PNPLA6: variants seen among roughly 807,000 people sequenced by gnomAD.
PNPLA6 encodes the protein patatin-like phospholipase domain-containing protein 6.
Under a neutral mutation model 153.7 loss-of-function variants are expected in PNPLA6, and 105 were observed. The ratio of observed to expected loss-of-function variants is 0.68; its 90% CI spans 0.58 to 0.80. PNPLA6 has a LOEUF of 0.80. Ranked by LOEUF, PNPLA6 falls within the 30% of genes least tolerant of loss-of-function variation. PNPLA6 has a pLI of 0.00. For missense variants in PNPLA6, 1,423 were observed against 1,919.3 expected (o/e 0.74, Z 4.83); for synonymous variants, 825 against 822.2 (o/e 1.00, Z -0.06).
chr19:7,561,199 C>T lies in PNPLA6; in HGVS notation c.3914-9C>T, dbSNP rs200579809. On this transcript the variant is annotated splice_polypyrimidine_tract_variant and intron_variant, in intron 30 of 31. Coordinates refer to ENST00000600737, the MANE Select transcript of PNPLA6 (RefSeq NM_001166114.2). ...ATCCCCTCACCTGTGCCCTGCTCCC[C>T]GATTCCAGGAGAGGAGTCAGATTGT... is the stretch of plus-strand genomic sequence containing the variant. 56 of 1,602,456 alleles carry T rather than the reference C, an allele frequency of 3.5e-5. 2 individuals are homozygous for T. Among genetic ancestry groups the T allele is most frequent in the East Asian group, 1.1e-4 (5 of 44,592 alleles).
intron 13 of PNPLA6, among the ~76,000 whole-genome samples, chr19:7,547,806 TA>T (rs142269245): frequency 3.4e-4 from 8 of 23,790 alleles, no homozygotes; most frequent in South Asian, 3.9e-3. Flanking sequence ...CCTGGCTAAT[TA>T]AAAATTTTTT....
In PNPLA6 at chr19:7,535,825, T is replaced by G; in HGVS notation, c.37T>G (p.Ser13Ala). 1 of 1,536,934 alleles carries G rather than the reference T, an allele frequency of 6.5e-7. No individual in the cohort carries two copies. Among genetic ancestry groups the G allele is most frequent in the Non-Finnish European group, 8.7e-7 (1 of 1,146,818 alleles). ...GAGTCACGGGCTGGCTACGAACTCC[T>G]CGGGGGCGAAGGTGGCGGAGAGGGA... ...TSSHGLATNS[S>A]GAKVAERDGF... The change falls in exon 1 of 32, where the codon TCG becomes GCG. Residue 13 changes from serine to alanine, a missense_variant. Ser to Ala is a moderately conservative substitution (Grantham distance 99). This residue lies in a region of PNPLA6 where 109 missense variants were observed against 109.4 expected (regional missense o/e 1.00). Transcript: ENST00000600737. The surrounding 1 kb of genome is among the most constrained non-coding windows in gnomAD (Gnocchi z 5.0).
intron 21 of PNPLA6, 38 bp downstream of exon 21, chr19:7,554,761 G>T (rs599328): frequency 6.2e-7 from 1 of 1,604,328 alleles, no homozygotes. Flanking sequence ...CCCACCTCGG[G>T]TCCCGTCCTT....
rs763642095 is a variant in PNPLA6 at position 7,543,046 on chromosome 19, G to A, written c.1570G>A (p.Ala524Thr). ...LLNSRVLLHH[A>T]KAGTIIARQG... is the part of the protein sequence containing the mutation. Reference sequence around the variant, plus strand: ...GAACAGCAGAGTCTTGCTGCACCACGCCAAAGCTGGCACCATCATTGCCCG... The same window carrying A: ...GAACAGCAGAGTCTTGCTGCACCACACCAAAGCTGGCACCATCATTGCCCG... The change falls in exon 13 of 32, where the codon GCC (alanine) becomes ACC (threonine). Residue 524 changes from alanine to threonine, a missense_variant. Ala to Thr is a moderately conservative substitution (Grantham distance 58). Around this residue, in one of 10 missense-constraint regions of PNPLA6, gnomAD observed 119 missense variants for 163.7 expected, o/e 0.73. Transcript: ENST00000600737. 1.2e-5 allele frequency: 19 copies of A among 1,613,650 alleles called. No individual in the cohort carries two copies. Among genetic ancestry groups the A allele is most frequent in the South Asian group, 7.7e-5 (7 of 91,068 alleles).
chr19:7,561,022 C>T lies in PNPLA6; in HGVS notation c.3825C>T (p.Ala1275=). 1 of 1,611,084 alleles carries T rather than the reference C, an allele frequency of 6.2e-7. No homozygotes were observed. Among genetic ancestry groups the T allele is most frequent in the Admixed American group, 1.7e-5 (1 of 59,558 alleles). The change falls in exon 30 of 32, where the codon GCC becomes GCT. Residue 1275 remains alanine, a synonymous_variant. Coordinates refer to ENST00000600737, the MANE Select transcript of PNPLA6 (RefSeq NM_001166114.2). ...CCAGTGTCACCCCACAGGTGCTTGC[C>T]TTCCCAAGCTCTGGCTTCACTGACT... The part of the protein sequence containing the change: ...LNESRRADVL[A]FPSSGFTDLA...
Position 7,555,564 on chromosome 19 carries a change from C to A in PNPLA6, c.2937-43C>A, listed in dbSNP as rs748275248. ...GGAGGTAGGGGCAGGGGAGTTCCTG[C>A]AGGTGGGGCCTAGCGGGTCACTGGG... is the stretch of plus-strand genomic sequence containing the variant. On this transcript the variant is annotated intron_variant, in intron 23 of 31. Transcript: ENST00000600737. The surrounding 1 kb of genome is among the most constrained non-coding windows in gnomAD (Gnocchi z 6.3). 1.9e-6 allele frequency: 3 copies of A among 1,602,618 alleles called. No homozygotes were observed. Among genetic ancestry groups the A allele is most frequent in the East Asian group, 4.5e-5 (2 of 44,676 alleles).
In PNPLA6 at chr19:7,540,017, C is replaced by T; in HGVS notation, c.513C>T (p.Ser171=). The T allele has an allele frequency of 6.2e-7, 1 of 1,608,472 alleles. No individual in the cohort carries two copies. The highest frequency in any genetic ancestry group is 1.1e-5 in the South Asian group (1 of 90,346). The part of the protein sequence containing the change: ...ADLTEGDLAN[S]HLPSEVLYML... ...TGACCGAGGGCGACCTGGCTAACTC[C>T]CATCTGCCCTCTGAAGTGCTTTATA... Residue 171 remains serine, a synonymous_variant, in exon 4 of 32, where the codon TCC becomes TCT. Coordinates refer to ENST00000600737, the MANE Select transcript of PNPLA6 (RefSeq NM_001166114.2). This position sits in a 1 kb window ranked among gnomAD's most constrained non-coding sequence, Gnocchi z 6.8.
rs757555345 is a variant in PNPLA6, at chr19:7,559,000, T to G, written c.3548T>G (p.Val1183Gly). Reference sequence around the variant, plus strand: ...AATCCCTGGGCTGACAAGGTAAAGGTTCCAGACATGGCTGAAATCCAGTCC... The same window carrying G: ...AATCCCTGGGCTGACAAGGTAAAGGGTCCAGACATGGCTGAAATCCAGTCC... ...RLNPWADKVKVPDMAEIQSRL... is the reference protein window; with the variant it reads ...RLNPWADKVKGPDMAEIQSRL... Residue 1183 changes from valine (V) to glycine (G), a missense_variant, in exon 28 of 32, where the codon GTT becomes GGT. By Grantham distance (109) the Val-to-Gly change is moderately radical. This residue lies in a region of PNPLA6 where 643 missense variants were observed against 835.2 expected (regional missense o/e 0.77). Transcript: ENST00000600737. 1.9e-6 allele frequency: 3 copies of G among 1,614,150 alleles called. No individual in the cohort carries two copies. The highest frequency in any genetic ancestry group is 2.5e-6 in the Non-Finnish European group (3 of 1,180,030).
rs747484036 is a variant in PNPLA6, at chr19:7,555,781, G to A, written c.3093+18G>A. 6.2e-7 allele frequency: 1 copy of A among 1,611,678 alleles called. No individual in the cohort carries two copies. Among genetic ancestry groups the A allele is most frequent in the South Asian group, 1.1e-5 (1 of 90,994 alleles). On this transcript the variant is annotated intron_variant, in intron 24 of 31. Coordinates refer to ENST00000600737, the MANE Select transcript of PNPLA6 (RefSeq NM_001166114.2). This position sits in a 1 kb window ranked among gnomAD's most constrained non-coding sequence, Gnocchi z 6.3. ...GGGCCAAGGTGTGTGTTGCGAGGAG[G>A]GATTGCTGCACCCCAGGAGTGCCAT...
chr19:7,556,986 C>T (rs990731270), intron 26 of PNPLA6, 182 bp from the exon 27 acceptor site: 42 of 731,352 alleles, frequency 5.7e-5, no homozygotes, highest in African/African-American at 1.0e-4. Context: ...GCGTTACGTC[C>T]GGGCCAGCGC....
At chr19:7,548,713 A>G (rs1187259612) in intron 13 of PNPLA6, among the ~76,000 whole-genome samples, 1 of 74,286 alleles carries the variant, frequency 1.3e-5, no homozygotes, top group Non-Finnish European at 2.8e-5. Flanking sequence ...ACATATATAT[A>G]TATATACACA....
intron 3 of PNPLA6, 34 bp from the exon 4 acceptor site, chr19:7,539,884 C>A: frequency 7.0e-7 from 1 of 1,423,666 alleles, no homozygotes; most frequent in South Asian, 1.2e-5. Context: ...TCTCCGTGCC[C>A]CCCTCACCCC....
Position 7,554,623 on chromosome 19 carries a change from A to C in PNPLA6, c.2534A>C (p.Gln845Pro). Reference protein sequence around the residue: ...QEDAHRIVLYQTDASLTPWTV... With the variant: ...QEDAHRIVLYPTDASLTPWTV... ...GATGCACACCGTATCGTACTCTACC[A>C]GACGGACGCCTCGCTGACGCCCTGG... The change falls in exon 21 of 32, where the codon CAG (glutamine) becomes CCG (proline). Residue 845 changes from glutamine to proline, a missense_variant. Coordinates refer to ENST00000600737, the MANE Select transcript of PNPLA6 (RefSeq NM_001166114.2). The C allele has an allele frequency of 6.2e-7, 1 of 1,613,994 alleles. No homozygotes were observed.
chr19:7,544,060 G>A (rs1375002796), intron 13 of PNPLA6, among the ~76,000 whole-genome samples: 6 of 151,656 alleles, frequency 4.0e-5, no homozygotes, highest in South Asian at 4.2e-4. Context: ...TGATCCGCCC[G>A]CCTAGGCCTT....
chr19:7,557,340 G>A lies in PNPLA6; in HGVS notation c.3397+56G>A, dbSNP rs1645800. ...CAAGCACCTCCCGCACCACACACAC[G>A]CACACGCGTGGGCACACACAGACAG... On this transcript the variant is annotated intron_variant, in intron 27 of 31. Coordinates refer to ENST00000600737, the MANE Select transcript of PNPLA6 (RefSeq NM_001166114.2). 553,099 of 1,027,470 alleles carry A rather than the reference G, an allele frequency of 0.54. 136,549 individuals carry two copies. Among genetic ancestry groups the A allele is most frequent in the Admixed American group, 0.62 (35,102 of 56,426 alleles). The allele number at this position is 1,027,470 out of a possible 1,614,324, so 63.6% of individuals were successfully genotyped here.
rs781056060 is a variant in PNPLA6, at chr19:7,561,642, C to A, written c.*80C>A. ...GCCCCGTGGGGGTAGCTCACTCCCC[C>A]TCCTGCTGCTATGCCTGTGACCCCC... On this transcript the variant is annotated 3_prime_UTR_variant, in exon 32 of 32. Transcript: ENST00000600737. The A allele has an allele frequency of 9.4e-6, 9 of 955,208 alleles. No individual in the cohort carries two copies. The highest frequency in any genetic ancestry group is 1.5e-5 in the Non-Finnish European group (9 of 615,724). 59.2% of individuals were successfully genotyped at this position (955,208 alleles called of 1,614,324 possible).
chr19:7,555,642 A>G lies in PNPLA6; in HGVS notation c.2972A>G (p.Glu991Gly). 1 of 1,612,804 alleles carries G rather than the reference A, an allele frequency of 6.2e-7. No individual in the cohort carries two copies. Residue 991 changes from glutamate to glycine, a missense_variant, in exon 24 of 32, where the codon GAG becomes GGG. This residue lies in a region of PNPLA6 where 643 missense variants were observed against 835.2 expected (regional missense o/e 0.77). Transcript: ENST00000600737. The surrounding 1 kb of genome is among the most constrained non-coding windows in gnomAD (Gnocchi z 6.3). ...CSHIGVLKAL[E>G]EAGVPVDLVG... ...CACATCGGAGTACTAAAGGCATTAG[A>G]GGAGGCGGGGGTCCCCGTGGACCTG...
intron 13 of PNPLA6, among the ~76,000 whole-genome samples, chr19:7,543,763 T>C (rs2023260004): frequency 1.3e-5 from 2 of 151,940 alleles, no homozygotes; most frequent in African/African-American, 4.8e-5. Flanking sequence ...AATGAGGTAA[T>C]AAAGAAGAGA....
Position 7,559,193 on chromosome 19 carries a change from G to A in PNPLA6, c.3699+42G>A, listed in dbSNP as rs538852. ...GGCATGGTGCCTGCATAGGTGGTCC[G>A]GCTAAGCTTTGCTACTTAAAGCCCA... On this transcript the variant is annotated intron_variant, in intron 28 of 31. Transcript: ENST00000600737. 311,994 of 1,561,912 alleles carry A rather than the reference G, an allele frequency of 0.2. 33,147 individuals carry two copies. Among genetic ancestry groups the A allele is most frequent in the African/African-American group, 0.38 (27,928 of 73,974 alleles).
Sources: gnomAD v4.1 joint callset for allele counts (sites outside exome capture counted in the v4.1 genomes callset) on GRCh38, gnomAD v4.1.1 for gene constraint, gnomAD v4.1.1 regional missense constraint, Gnocchi (gnomAD v3.1) non-coding constraint, MANE v1.5 for transcripts, NCBI Gene and HGNC (gene_info 2026-07-23, HGNC 2026-07-21) for gene names.